ZNF521: variants seen among roughly 807,000 people sequenced by gnomAD.
ZNF521 encodes the protein zinc finger protein 521.
Under a neutral mutation model 105.5 loss-of-function variants are expected in ZNF521, and 14 were observed. The ratio of observed to expected loss-of-function variants is 0.13; its 90% CI spans 0.09 to 0.21. ZNF521 has a LOEUF of 0.21. Ranked by LOEUF, ZNF521 falls within the 10% of genes least tolerant of loss-of-function variation. ZNF521 has a pLI of 1.00. For missense variants in ZNF521, 1,233 were observed against 1,629.7 expected, an observed-to-expected ratio of 0.76 and a Z score of 4.19; for synonymous variants, 635 against 606.0, an observed-to-expected ratio of 1.05 and a Z score of -0.70.
chr18:25,110,505 C>T (rs1483615495), intron 5 of ZNF521, among the ~76,000 whole-genome samples: 2 of 151,842 alleles, frequency 1.3e-5, no homozygotes, highest in Admixed American at 6.6e-5. Flanking sequence ...TTGGTGAAGC[C>T]GCAGGGTTAT....
At chr18:25,089,432 G>T in intron 7 of ZNF521, 33 bp downstream of exon 7, 1 of 1,523,112 alleles carries the variant, frequency 6.6e-7, no homozygotes. Context: ...TAGCAACTGA[G>T]TTCAATCCCA....
At chr18:25,149,670 A>G (rs542340194) in intron 5 of ZNF521, among the ~76,000 whole-genome samples, 1 of 152,262 alleles carries the variant, frequency 6.6e-6, no homozygotes, top group Non-Finnish European at 1.5e-5. Context: ...ATTTTGTATG[A>G]CATTTCTGTT....
At chr18:25,348,609 C>A (rs973251773) in intron 2 of ZNF521, among the ~76,000 whole-genome samples, 1 of 152,160 alleles carries the variant, frequency 6.6e-6, no homozygotes, top group Admixed American at 6.5e-5. Context: ...TAGGAGAGAA[C>A]AGCACTGTGT....
chr18:25,119,861 T>C (rs1034278919), intron 5 of ZNF521, among the ~76,000 whole-genome samples: 23 of 151,912 alleles, frequency 1.5e-4, no homozygotes, highest in African/African-American at 5.3e-4. Context: ...AAATAAACCA[T>C]GGAAAAGTTA....
chr18:25,172,427 G>T (rs990894988), intron 5 of ZNF521, among the ~76,000 whole-genome samples: 2 of 152,120 alleles, frequency 1.3e-5, no homozygotes, highest in African/African-American at 4.8e-5. Flanking sequence ...CTCCATTTCA[G>T]TCATGACCTC....
chr18:25,351,127 C>G (rs1914738616), intron 1 of ZNF521, 180 bp from the exon 2 acceptor site: 1 of 186,636 alleles, frequency 5.4e-6, no homozygotes, highest in Non-Finnish European at 1.0e-5. Context: ...GGGCTCGCGG[C>G]TGCCCGAGCT....
chr18:25,305,900 C>T (rs1911946934), intron 3 of ZNF521, among the ~76,000 whole-genome samples: 1 of 152,228 alleles, frequency 6.6e-6, no homozygotes, highest in African/African-American at 2.4e-5. Context: ...GTGTGCCACA[C>T]ACCTTGCCAT....
In ZNF521 at chr18:25,171,441, A is replaced by G. The variant is rs560072715; in HGVS notation, c.3658+23719T>C. ...ATATCAAATATGTGTTATGATTAAA[A>G]TCAGAGCAAGAGAAGTAATGATCGT... On this transcript the variant is annotated intron_variant, in intron 5 of 7. Transcript: ENST00000361524. 1.3e-4 allele frequency among the ~76,000 whole-genome samples: 20 copies of G among 152,294 alleles called. No individual in the cohort carries two copies. The South Asian group carries it at 1.7e-3, about 13-fold the overall frequency.
chr18:25,175,086 A>G lies in ZNF521; in HGVS notation c.3658+20074T>C, dbSNP rs188331811. On this transcript the variant is annotated intron_variant, in intron 5 of 7. Coordinates refer to ENST00000361524, the MANE Select transcript of ZNF521 (RefSeq NM_015461.3). The stretch of plus-strand genomic sequence containing the variant: ...ACATGTTAATGGAAATTCTACACCA[A>G]TTTCCAAGGTGATCTGAGGAATACA... Among the ~76,000 whole-genome samples the G allele has an allele frequency of 1.1e-4, 16 of 152,306 alleles. 1 individual carries two copies. Among genetic ancestry groups the G allele is most frequent in the African/African-American group, 3.1e-4 (13 of 41,578 alleles).
At chr18:25,164,270 C>A (rs963680272) in intron 5 of ZNF521, among the ~76,000 whole-genome samples, 3 of 152,156 alleles carry the variant, frequency 2.0e-5, no homozygotes, top group African/African-American at 7.2e-5. Context: ...AACTTGCTTT[C>A]TGATGGAAGC....
chr18:25,349,791 C>G (rs1369902446), intron 2 of ZNF521, among the ~76,000 whole-genome samples: 1 of 150,186 alleles, frequency 6.7e-6, no homozygotes, highest in African/African-American at 2.4e-5. Context: ...CCAGCGGGCC[C>G]GGGCGGGCGC....
At chr18:25,197,482 G>A (rs544687224) in intron 4 of ZNF521, among the ~76,000 whole-genome samples, 28 of 151,858 alleles carry the variant, frequency 1.8e-4, no homozygotes, top group South Asian at 1.0e-3. Context: ...GACCTTTAAA[G>A]CATATCTCAT....
At chr18:25,263,909 G>T (rs764245407) in intron 3 of ZNF521, among the ~76,000 whole-genome samples, 31 of 152,302 alleles carry the variant, frequency 2.0e-4, no homozygotes, top group Admixed American at 6.5e-5. Flanking sequence ...CTATATGTAA[G>T]AATGAATAAA....
At chr18:25,218,343 G>A (rs1905468077) in intron 4 of ZNF521, among the ~76,000 whole-genome samples, 1 of 151,896 alleles carries the variant, frequency 6.6e-6, no homozygotes, top group African/African-American at 2.4e-5. Context: ...GTGGTAAGGG[G>A]ATGGTGGGAG....
intron 2 of ZNF521, among the ~76,000 whole-genome samples, chr18:25,346,046 A>T (rs1487090910): frequency 1.3e-5 from 2 of 152,186 alleles, no homozygotes; most frequent in Non-Finnish European, 2.9e-5. Context: ...CCTTAGGTTA[A>T]AATCTAATCA....
chr18:25,198,467 A>G (rs747569089), intron 4 of ZNF521, among the ~76,000 whole-genome samples: 68 of 151,756 alleles, frequency 4.5e-4, no homozygotes, highest in Non-Finnish European at 7.1e-4. Context: ...CAGACTTCAC[A>G]TTTAGTCTTA....
chr18:25,112,692 A>T (rs1385919390), intron 5 of ZNF521, among the ~76,000 whole-genome samples: 2 of 152,160 alleles, frequency 1.3e-5, no homozygotes, highest in African/African-American at 2.4e-5. Context: ...TTTTGAGTTG[A>T]TTAGGTAGGA....
At chr18:25,181,410 G>C (rs771742831) in intron 5 of ZNF521, among the ~76,000 whole-genome samples, 19 of 152,130 alleles carry the variant, frequency 1.2e-4, no homozygotes, top group Non-Finnish European at 2.1e-4. Flanking sequence ...TTACTTACGG[G>C]AAATGACAAG....
chr18:25,303,682 T>C (rs1016871945), intron 3 of ZNF521, among the ~76,000 whole-genome samples: 1 of 152,212 alleles, frequency 6.6e-6, no homozygotes. Context: ...TTCATCCAAA[T>C]GCTACTTTCA....
Sources: gnomAD v4.1 joint callset for allele counts (sites outside exome capture counted in the v4.1 genomes callset) on GRCh38, gnomAD v4.1.1 for gene constraint, MANE v1.5 for transcripts, NCBI Gene and HGNC (gene_info 2026-07-23, HGNC 2026-07-21) for gene names.